GRAMD4: variants seen among roughly 807,000 people sequenced by gnomAD.
GRAMD4 encodes GRAM domain containing 4.
A neutral mutation model predicts 83.9 loss-of-function variants in GRAMD4; 25 were observed. The ratio of observed to expected loss-of-function variants is 0.30; its 90% CI spans 0.22 to 0.42. The LOEUF is 0.42. GRAMD4 is among the 10% of genes least tolerant of loss of function. The pLI is 1.00. For synonymous variants in GRAMD4, 336 were observed against 320.9 expected, an observed-to-expected ratio of 1.05 and a Z score of -0.50; for missense variants, 593 against 788.7, an observed-to-expected ratio of 0.75 and a Z score of 2.97.
rs770707963 is a variant in GRAMD4, at chr22:46,668,847, G to T, written c.1023G>T (p.Ala341=). Residue 341 remains alanine (A), a synonymous_variant, in exon 13 of 19, where the codon GCG becomes GCT. Coordinates refer to ENST00000406902, the MANE Select transcript of GRAMD4 (RefSeq NM_015124.5). ...AGATCACACAGAAGCTGTATGTGGC[G>T]CTCTGGGCTGCCTTCCTGGCCTCCT... is the stretch of plus-strand genomic sequence containing the variant. ...QPEITQKLYV[A]LWAAFLASCF... is the part of the protein sequence containing the mutation. 2.5e-6 allele frequency: 4 copies of T among 1,612,650 alleles called. No individual in the cohort carries two copies. Among genetic ancestry groups the T allele is most frequent in the African/African-American group, 1.3e-5 (1 of 74,788 alleles).
intron 8 of GRAMD4, among the ~76,000 whole-genome samples, chr22:46,664,485 C>CT (rs2082378187): frequency 2.2e-5 from 1 of 45,348 alleles, no homozygotes; most frequent in African/African-American, 3.4e-4. Context: ...CCAGGAGTAC[C>CT]TCCAAGGGCA....
intron 1 of GRAMD4, among the ~76,000 whole-genome samples, chr22:46,624,324 CTTT>C (rs577618843): frequency 1.4e-5 from 1 of 69,568 alleles, no homozygotes; most frequent in Non-Finnish European, 2.4e-5. Flanking sequence ...TTCCCTCTTC[CTTT>C]TTTTTTTTTT....
intron 2 of GRAMD4, among the ~76,000 whole-genome samples, chr22:46,635,456 CCG>C (rs1399061061): frequency 1.0e-4 from 12 of 118,156 alleles, no homozygotes; most frequent in Non-Finnish European, 2.1e-4. Flanking sequence ...TCCTGGGAGG[CCG>C]TGTCCTCCCT....
chr22:46,612,700 G>T (rs990573580), intron 1 of GRAMD4, among the ~76,000 whole-genome samples: 6 of 152,248 alleles, frequency 3.9e-5, no homozygotes, highest in African/African-American at 7.2e-5. Context: ...TGGGCAGCCT[G>T]GTGCAAGGAA....
At chr22:46,633,876 T>C (rs2081817071) in intron 2 of GRAMD4, among the ~76,000 whole-genome samples, 1 of 152,092 alleles carries the variant, frequency 6.6e-6, no homozygotes, top group Non-Finnish European at 1.5e-5. Context: ...TTGGGATCCT[T>C]GATTGTTGTT....
intron 10 of GRAMD4, among the ~76,000 whole-genome samples, chr22:46,667,612 G>A (rs946301276): frequency 6.6e-6 from 1 of 152,354 alleles, no homozygotes; most frequent in Middle Eastern, 3.4e-3. Context: ...GTGCCTCCAC[G>A]GGCCTAGTTG....
chr22:46,584,242 G>A (rs950486784), intron 1 of GRAMD4, among the ~76,000 whole-genome samples: 4 of 152,022 alleles, frequency 2.6e-5, no homozygotes, highest in Non-Finnish European at 5.9e-5. Flanking sequence ...TCCTTTTGTT[G>A]GAGGGCAGAA....
At chr22:46,615,011 C>CCT (rs2081461295) in intron 1 of GRAMD4, among the ~76,000 whole-genome samples, 1 of 114,380 alleles carries the variant, frequency 8.7e-6, no homozygotes. Flanking sequence ...GTAGGTTCCC[C>CCT]TGTGCGTGTG....
In GRAMD4 at chr22:46,628,068, G is replaced by A. The variant is rs150548125; in HGVS notation, c.162+1107G>A. 2.5e-3 allele frequency among the ~76,000 whole-genome samples: 382 copies of A among 152,340 alleles called. 1 individual carries two copies. The highest frequency in any genetic ancestry group is 0.01 in the Middle Eastern group (3 of 294). On this transcript the variant is annotated intron_variant, in intron 2 of 18. Transcript: ENST00000406902. Reference sequence around the variant, plus strand: ...TCCGCCTCTGGCTGGGGCTGGCACAGAGGGCATGGGTCACGATTCTCCGAT... The same window carrying A: ...TCCGCCTCTGGCTGGGGCTGGCACAAAGGGCATGGGTCACGATTCTCCGAT...
At chr22:46,653,651 G>C (rs1461854760) in intron 3 of GRAMD4, among the ~76,000 whole-genome samples, 1 of 152,198 alleles carries the variant, frequency 6.6e-6, no homozygotes, top group Non-Finnish European at 1.5e-5. Context: ...GGGGCGTAGG[G>C]GGCAGCCCCA....
At chr22:46,639,292 G>GCCTGTGTGCAGCGGTGGTTAAC (rs370184494) in intron 3 of GRAMD4, among the ~76,000 whole-genome samples, 47,545 of 150,634 alleles carry the variant, frequency 0.32, 7,940 homozygotes, top group African/African-American at 0.36. Flanking sequence ...GTGCCTGTGT[G>GCCTGTGTGCAGCGGTGGTTAAC]CCTGTGTGCA....
chr22:46,648,159 T>C (rs1601629557), intron 3 of GRAMD4, among the ~76,000 whole-genome samples: 2 of 151,880 alleles, frequency 1.3e-5, no homozygotes, highest in African/African-American at 4.8e-5. Context: ...GAAAGATGGA[T>C]GGGTGGATGG....
intron 2 of GRAMD4, 41 bp downstream of exon 2, chr22:46,627,002 C>T (rs573697173): frequency 1.7e-5 from 24 of 1,433,716 alleles, no homozygotes; most frequent in African/African-American, 2.8e-5. Context: ...GCTGGGGTGT[C>T]GTCCCCGTCC....
intron 8 of GRAMD4, among the ~76,000 whole-genome samples, chr22:46,664,866 C>T (rs1364673395): frequency 6.6e-6 from 1 of 152,262 alleles, no homozygotes; most frequent in African/African-American, 2.4e-5. Context: ...CAGATGACCT[C>T]AGCCTGGGTC....
intron 1 of GRAMD4, among the ~76,000 whole-genome samples, chr22:46,591,378 G>T (rs564021668): frequency 5.4e-4 from 82 of 152,308 alleles, no homozygotes; most frequent in African/African-American, 1.9e-3. Flanking sequence ...TTAGCTGGGT[G>T]TGGTGGTGCA....
chr22:46,625,568 A>C (rs932977348), intron 1 of GRAMD4, among the ~76,000 whole-genome samples: 2 of 152,284 alleles, frequency 1.3e-5, no homozygotes, highest in Non-Finnish European at 2.9e-5. Context: ...TTCAGAGGCA[A>C]AAATGTCAGC....
chr22:46,667,006 G>A (rs2082420121), intron 10 of GRAMD4, 133 bp downstream of exon 10: 1 of 593,244 alleles, frequency 1.7e-6, no homozygotes, highest in Admixed American at 3.7e-5. Context: ...GGCCTGGCCT[G>A]AAGAGGAGGG....
chr22:46,617,645 A>C (rs138494), upstream of GRAMD4, among the ~76,000 whole-genome samples: 132,871 of 151,880 alleles, frequency 0.87, 58,236 homozygotes, highest in East Asian at 1. Context: ...TCACGTAGGC[A>C]TCTCCTGGCC....
At chr22:46,597,478 T>A (rs1211459571) in intron 1 of GRAMD4, among the ~76,000 whole-genome samples, 1 of 152,104 alleles carries the variant, frequency 6.6e-6, no homozygotes, top group African/African-American at 2.4e-5. Flanking sequence ...GTTTCATTTA[T>A]CTATCTATCT....
Sources: allele counts gnomAD v4.1 joint callset (sites outside exome capture counted in the v4.1 genomes callset), GRCh38; gene constraint gnomAD v4.1.1; transcripts MANE v1.5; gene names NCBI Gene and HGNC (gene_info 2026-07-23, HGNC 2026-07-21).